The following ADCY3 variants were observed in gnomAD, a reference collection of about 807,000 sequenced individuals.
The protein encoded by ADCY3 is adenylate cyclase 3.
In ADCY3, 70 loss-of-function variants were observed where a neutral mutation model predicts 119.4. That is an observed-to-expected ratio of 0.59 (90% CI 0.48 to 0.72). The LOEUF is 0.72. ADCY3 is among the 30% of genes least tolerant of loss of function. The pLI, the probability that ADCY3 is intolerant of heterozygous loss-of-function variation, is 0.00. For missense variants in ADCY3, 1,238 were observed against 1,541.6 expected (o/e 0.80, Z 3.30); for synonymous variants, 672 against 621.4 (o/e 1.08, Z -1.21).
At position 24,822,444 on chromosome 2, in the gene ADCY3, G is replaced by T. The variant is rs572598260; in HGVS notation, c.3003+67C>A. ...AGCAGTTCTTATTTCCCCCATGCTA[G>T]GTCTGGGCTGCCAATCTCTTGCCTT... On this transcript the variant is annotated intron_variant, in intron 19 of 21. Transcript: ENST00000679454. The T allele has an allele frequency of 1.3e-4, 209 of 1,593,316 alleles. No homozygotes were observed. The Middle Eastern group carries it at 1.6e-3, about 13-fold the overall frequency.
At chr2:24,910,208 T>G (rs889955129) in intron 2 of ADCY3, among the ~76,000 whole-genome samples, 16 of 152,186 alleles carry the variant, frequency 1.1e-4, no homozygotes, top group Admixed American at 2.6e-4. Flanking sequence ...GTCATTCTTT[T>G]TTTATTCTTT....
At chr2:24,857,715 G>C (rs1329825950) in intron 3 of ADCY3, among the ~76,000 whole-genome samples, 1 of 152,168 alleles carries the variant, frequency 6.6e-6, no homozygotes, top group African/African-American at 2.4e-5. Flanking sequence ...TCTGTGACTG[G>C]CGGAAAGCAG....
intron 20 of ADCY3, 99 bp from the exon 21 acceptor site, chr2:24,820,947 A>C (rs1667560494): frequency 2.0e-6 from 3 of 1,486,804 alleles, no homozygotes; most frequent in African/African-American, 1.4e-5. Context: ...AAAGCTCCTA[A>C]TGTAACACAT....
intron 3 of ADCY3, among the ~76,000 whole-genome samples, chr2:24,847,796 G>C (rs376827760): frequency 6.6e-6 from 1 of 152,252 alleles, no homozygotes; most frequent in Non-Finnish European, 1.5e-5. Flanking sequence ...CAGCTCTTGA[G>C]GGCAGCCTCT....
intron 2 of ADCY3, among the ~76,000 whole-genome samples, chr2:24,887,737 C>G (rs1342704439): frequency 6.6e-6 from 1 of 152,156 alleles, no homozygotes; most frequent in African/African-American, 2.4e-5. Flanking sequence ...TCATCTCCAT[C>G]ATGGGCCTGG....
chr2:24,912,687 T>C (rs1663929378), intron 2 of ADCY3, among the ~76,000 whole-genome samples: 1 of 152,054 alleles, frequency 6.6e-6, no homozygotes, highest in African/African-American at 2.4e-5. Context: ...GGCTTCCGTT[T>C]CCTCTCTAGA....
chr2:24,917,954 C>T (rs989203832), intron 2 of ADCY3, among the ~76,000 whole-genome samples: 3 of 152,168 alleles, frequency 2.0e-5, no homozygotes, highest in African/African-American at 7.2e-5. Context: ...AATCAAGGAG[C>T]CCTCTTCCCA....
At chr2:24,884,800 TC>T (rs1676839570) in intron 2 of ADCY3, among the ~76,000 whole-genome samples, 1 of 151,404 alleles carries the variant, frequency 6.6e-6, no homozygotes, top group South Asian at 2.1e-4. Flanking sequence ...AGTCTTCTGA[TC>T]CCTGGTTCAC....
At chr2:24,903,267 C>T (rs1679124302) in intron 2 of ADCY3, among the ~76,000 whole-genome samples, 1 of 151,914 alleles carries the variant, frequency 6.6e-6, no homozygotes, top group African/African-American at 2.4e-5. Context: ...ACCGTCTGTG[C>T]TCTCCACCAT....
At chr2:24,913,546 C>T (rs1185462099) in intron 2 of ADCY3, among the ~76,000 whole-genome samples, 1 of 152,192 alleles carries the variant, frequency 6.6e-6, no homozygotes, top group Non-Finnish European at 1.5e-5. Context: ...AATCCAGCCC[C>T]ACTACCTCCT....
In ADCY3 at chr2:24,918,646, T is replaced by C. The variant is rs1573086112; in HGVS notation, c.342A>G (p.Gly114=). ...KLASLAVAGI[G]LVLDIILFVL... ...CGAAGAGGATGATGTCCAACACCAG[T>C]CCAATTCCAGCCACGGCGAGGGAAG... is the stretch of plus-strand genomic sequence containing the variant. Residue 114 remains glycine (G), a synonymous_variant, in exon 2 of 22, where the codon GGA becomes GGG. Transcript: ENST00000679454. This position sits in a 1 kb window ranked among gnomAD's most constrained non-coding sequence, Gnocchi z 5.4. The C allele has an allele frequency of 6.2e-7, 1 of 1,613,942 alleles. No individual in the cohort carries two copies.
At chr2:24,837,953 G>A (rs1011537993) in intron 8 of ADCY3, among the ~76,000 whole-genome samples, 4 of 151,964 alleles carry the variant, frequency 2.6e-5, no homozygotes, top group Admixed American at 6.6e-5. Flanking sequence ...CAGGGAAGCC[G>A]AAAGATTAGA....
rs1354264302 is a variant in ADCY3, at chr2:24,899,700, T to A, written c.675+18613A>T. On this transcript the variant is annotated intron_variant, in intron 2 of 21. Transcript: ENST00000679454. This position sits in a 1 kb window ranked among gnomAD's most constrained non-coding sequence, Gnocchi z 4.5. ...GGAAACTACAGTTACCATAGAGGGG[T>A]GTGTAGAGCTTTGCTTCCCCGATTT... 6.6e-6 allele frequency among the ~76,000 whole-genome samples: 1 copy of A among 152,054 alleles called. No individual in the cohort carries two copies. Among genetic ancestry groups the A allele is most frequent in the Non-Finnish European group, 1.5e-5 (1 of 68,018 alleles).
At chr2:24,852,746 C>A (rs1205702045) in intron 3 of ADCY3, among the ~76,000 whole-genome samples, 1 of 152,252 alleles carries the variant, frequency 6.6e-6, no homozygotes, top group Admixed American at 6.5e-5. Context: ...GCTGCCAACG[C>A]CCGCGGAAAC....
intron 3 of ADCY3, among the ~76,000 whole-genome samples, chr2:24,857,991 A>ATTTTTTTTTTTTTTTTT: frequency 8.2e-6 from 1 of 122,394 alleles, no homozygotes; most frequent in African/African-American, 3.4e-5. Context: ...TGTGGTCTGA[A>ATTTTTTTTTTTTTTTTT]TTTTTTTTTT....
At chr2:24,879,667 C>G (rs187476429) in intron 2 of ADCY3, among the ~76,000 whole-genome samples, 1 of 152,188 alleles carries the variant, frequency 6.6e-6, no homozygotes, top group Admixed American at 6.5e-5. Flanking sequence ...TTTTCTTATT[C>G]TCATTTTGCA....
intron 3 of ADCY3, among the ~76,000 whole-genome samples, chr2:24,848,727 A>G (rs1671941927): frequency 6.6e-6 from 1 of 152,224 alleles, no homozygotes; most frequent in African/African-American, 2.4e-5. Context: ...GATAGAAAGT[A>G]TGACTGAGTG....
chr2:24,912,122 C>G (rs954592194), intron 2 of ADCY3, among the ~76,000 whole-genome samples: 1 of 152,132 alleles, frequency 6.6e-6, no homozygotes, highest in African/African-American at 2.4e-5. Context: ...CTCTGAGTCT[C>G]CGTGTTGGTG....
chr2:24,840,138 A>T (rs1237679953), intron 6 of ADCY3, 107 bp from the exon 7 acceptor site: 16 of 1,432,578 alleles, frequency 1.1e-5, no homozygotes, highest in South Asian at 6.6e-5. Context: ...CCCCTCCACA[A>T]GAGGGGGCCT....
Sources: gnomAD v4.1 joint callset for allele counts (sites outside exome capture counted in the v4.1 genomes callset) on GRCh38, gnomAD v4.1.1 for gene constraint, Gnocchi (gnomAD v3.1) non-coding constraint, MANE v1.5 for transcripts, NCBI Gene and HGNC (gene_info 2026-07-23, HGNC 2026-07-21) for gene names.